The following RDH13 variants were observed in gnomAD, a reference collection of about 807,000 sequenced individuals.
The protein encoded by RDH13 is retinol dehydrogenase 13 (all-trans and 9-cis).
In RDH13, 35 loss-of-function variants were observed where a neutral mutation model predicts 28.3. The ratio of observed to expected loss-of-function variants is 1.24; its 90% CI spans 0.95 to 1.64. RDH13 has a LOEUF of 1.64. Among genes scored for constraint, RDH13 ranks in the 40% most tolerant of loss-of-function variants. The probability of loss-of-function intolerance (pLI) is 0.00; values close to 1 mark genes in which losing one functional copy is unlikely to be tolerated. For missense variants in RDH13, 514 were observed against 446.3 expected (o/e 1.15, Z -1.37); for synonymous variants, 229 against 198.5 (o/e 1.15, Z -1.29).
chr19:55,064,771 C>G (rs184700032), upstream of RDH13, among the ~76,000 whole-genome samples: 647 of 150,006 alleles, frequency 4.3e-3, 5 homozygotes, highest in Middle Eastern at 0.014. Context: ...TGTCACCACA[C>G]CCGGCTAATT....
At chr19:55,059,597 G>A (rs1418951337) in intron 1 of RDH13, among the ~76,000 whole-genome samples, 6 of 140,948 alleles carry the variant, frequency 4.3e-5, no homozygotes, top group East Asian at 2.1e-4. Flanking sequence ...GGGGGGGGGC[G>A]GGGGCGGATC....
downstream of RDH13, among the ~76,000 whole-genome samples, chr19:55,043,825 A>G (rs1485140317): frequency 6.6e-6 from 1 of 152,256 alleles, no homozygotes; most frequent in South Asian, 2.1e-4. Flanking sequence ...ATCTCTATCC[A>G]GTTTCTAACA....
chr19:55,044,994 G>C lies in RDH13; in HGVS notation c.*80C>G. 9.1e-7 allele frequency: 1 copy of C among 1,093,390 alleles called. No homozygotes were observed. Among genetic ancestry groups the C allele is most frequent in the Non-Finnish European group, 1.3e-6 (1 of 754,844 alleles). 67.7% of individuals were successfully genotyped at this position (1,093,390 alleles called of 1,614,324 possible). On this transcript the variant is annotated 3_prime_UTR_variant, in exon 7 of 7. Transcript: ENST00000415061. ...AGTCCTGGGTCTCCCGGCTCAGGTA[G>C]TGCCAGGAAGCTGCGGGCATGGCGG...
At position 55,056,675 on chromosome 19, in the gene RDH13, C is replaced by A; in HGVS notation, c.318G>T (p.Glu106Asp). The A allele has an allele frequency of 6.2e-7, 1 of 1,614,054 alleles. No homozygotes were observed. Among genetic ancestry groups the A allele is most frequent in the Non-Finnish European group, 8.5e-7 (1 of 1,180,004 alleles). The part of the protein sequence containing the change: ...LDLASLKSIR[E>D]FAAKIIEEEE... Reference sequence around the variant, plus strand: ...TACCTTCAATGATCTTTGCTGCAAACTCTCGGATAGACTTGAGGGAAGCCA... The same window carrying A: ...TACCTTCAATGATCTTTGCTGCAAAATCTCGGATAGACTTGAGGGAAGCCA... The change falls in exon 3 of 7, where the codon GAG (glutamate) becomes GAT (aspartate). Residue 106 changes from glutamate to aspartate, a missense_variant. Coordinates refer to ENST00000415061, the MANE Select transcript of RDH13 (RefSeq NM_001145971.2).
At chr19:55,067,365 G>A (rs1447655696), upstream of RDH13, 1 of 152,218 alleles carries the variant, frequency 6.6e-6, no homozygotes, top group African/African-American at 2.4e-5. Context: ...GGAAATGATG[G>A]GGATCACGGC....
chr19:55,048,426 C>G lies in RDH13; in HGVS notation c.561G>C (p.Leu187Phe). 1.2e-6 allele frequency: 2 copies of G among 1,614,176 alleles called. No individual in the cohort carries two copies. Among genetic ancestry groups the G allele is most frequent in the Non-Finnish European group, 1.7e-6 (2 of 1,180,050 alleles). Reference sequence around the variant, plus strand: ...TGTTATACTTCCTCGTCTGCCAGTTCAAGTCGTCAAAGTCTATGTGCCCAG... The same window carrying G: ...TGTTATACTTCCTCGTCTGCCAGTTGAAGTCGTCAAAGTCTATGTGCCCAG... The part of the protein sequence containing the change: ...HVAGHIDFDD[L>F]NWQTRKYNTK... Residue 187 changes from leucine to phenylalanine, a missense_variant, in exon 5 of 7, where the codon TTG (leucine) becomes TTC (phenylalanine). Physicochemically the swap from Leu to Phe is conservative, Grantham distance 22. Transcript: ENST00000415061.
At chr19:55,063,361 G>A, upstream of RDH13, 1 of 330,246 alleles carries the variant, frequency 3.0e-6, no homozygotes, top group Non-Finnish European at 5.5e-6. Context: ...CGTATAAGGC[G>A]CTACGCAGTT....
chr19:55,059,308 GGGC>G, intron 1 of RDH13, 33 bp from the exon 2 acceptor site: 1 of 1,436,486 alleles, frequency 7.0e-7, no homozygotes, highest in Non-Finnish European at 9.6e-7. Context: ...TCAGTCCTGT[GGGC>G]CCACTCTCAC....
downstream of RDH13, chr19:55,041,385 A>G (rs2075025889): frequency 6.6e-6 from 1 of 152,296 alleles, no homozygotes; most frequent in Non-Finnish European, 1.5e-5. Context: ...GTCGAAGCCA[A>G]GGACACTGCT....
intron 3 of RDH13, among the ~76,000 whole-genome samples, chr19:55,054,757 T>G (rs1602757199): frequency 6.6e-6 from 1 of 151,338 alleles, no homozygotes; most frequent in Non-Finnish European, 1.5e-5. Context: ...TTTTAATCTT[T>G]GGTACACACA....
chr19:55,059,586 T>TGGGGGGGGGG (rs202150997), intron 1 of RDH13, among the ~76,000 whole-genome samples: 2 of 79,222 alleles, frequency 2.5e-5, no homozygotes, highest in Non-Finnish European at 4.8e-5. Context: ...GTTTTGGGGG[T>TGGGGGGGGGG]GGGGGGGGGC....
rs929547744 is a variant in RDH13, at chr19:55,056,885, C to G, written c.185-77G>C. The G allele has an allele frequency of 3.1e-6, 4 of 1,280,916 alleles. No homozygotes were observed. In the African/African-American group the frequency reaches 6.0e-5, roughly 19 times the overall value. The allele number at this position is 1,280,916 out of a possible 1,614,324, so 79.3% of individuals were successfully genotyped here. A position where few individuals can be genotyped will look rare whatever the true frequency, so the allele number is the denominator to read the frequency against. ...CTGACCCCAGAGACATGAAAACATA[C>G]GTCTACACAAAAACACATCCACCAA... On this transcript the variant is annotated intron_variant, in intron 2 of 6. Coordinates refer to ENST00000415061, the MANE Select transcript of RDH13 (RefSeq NM_001145971.2).
In RDH13 at chr19:55,053,034, C is replaced by T. The variant is rs138743630; in HGVS notation, c.340+3619G>A. Among the ~76,000 whole-genome samples the T allele has an allele frequency of 2.5e-3, 386 of 152,234 alleles. 2 individuals carry two copies. The highest frequency in any genetic ancestry group is 0.014 in the Middle Eastern group (4 of 294). The stretch of plus-strand genomic sequence containing the variant: ...GGCTGATCTCAAACTCCCTGATAAA[C>T]AAGGCTGTGGGTACCTGCTTCCTGG... On this transcript the variant is annotated intron_variant, in intron 3 of 6. Coordinates refer to ENST00000415061, the MANE Select transcript of RDH13 (RefSeq NM_001145971.2).
At position 55,047,048 on chromosome 19, in the gene RDH13, AG is replaced by A. The variant is rs1198278546; in HGVS notation, c.760+338del. 21 of 964,228 alleles carry A rather than the reference AG, an allele frequency of 2.2e-5. No individual in the cohort carries two copies. In the South Asian group the frequency reaches 4.3e-4, roughly 20 times the overall value. 59.7% of individuals were successfully genotyped at this position (964,228 alleles called of 1,614,324 possible). A position where few individuals can be genotyped will look rare whatever the true frequency, so the allele number is the denominator to read the frequency against. Reference sequence around the variant, plus strand: ...TCTGCAGATGAAGAAACAGGCTCAGAGGGGTAACAGCTCTTCCCCAGGAGGT... The same window carrying A: ...TCTGCAGATGAAGAAACAGGCTCAGAGGGTAACAGCTCTTCCCCAGGAGGT... On this transcript the variant is annotated intron_variant, in intron 6 of 6. Coordinates refer to ENST00000415061, the MANE Select transcript of RDH13 (RefSeq NM_001145971.2).
At chr19:55,065,248 G>T (rs1237932546), upstream of RDH13, among the ~76,000 whole-genome samples, 1 of 151,396 alleles carries the variant, frequency 6.6e-6, no homozygotes, top group African/African-American at 2.4e-5. Flanking sequence ...AGCAGGTTTG[G>T]TGGCACGCAT....
upstream of RDH13, chr19:55,063,184 G>A (rs1331844888): frequency 5.1e-6 from 3 of 592,746 alleles, no homozygotes; most frequent in Non-Finnish European, 7.7e-6. Flanking sequence ...ACTGGGCTGC[G>A]AGGGGCGGGG....
intron 1 of RDH13, among the ~76,000 whole-genome samples, chr19:55,062,694 CAAAT>C (rs1190662732): frequency 6.6e-6 from 1 of 152,162 alleles, no homozygotes; most frequent in Non-Finnish European, 1.5e-5. Flanking sequence ...AATAAACGAA[CAAAT>C]AAATAATACA....
At chr19:55,055,963 A>C (rs1353319749) in intron 3 of RDH13, among the ~76,000 whole-genome samples, 2 of 149,954 alleles carry the variant, frequency 1.3e-5, no homozygotes, top group Non-Finnish European at 3.0e-5. Flanking sequence ...GACCAGCCTG[A>C]CCAACATGGT....
At chr19:55,053,384 G>C (rs1452609612) in intron 3 of RDH13, among the ~76,000 whole-genome samples, 1 of 152,112 alleles carries the variant, frequency 6.6e-6, no homozygotes, top group Non-Finnish European at 1.5e-5. Flanking sequence ...GGCTGGGCGT[G>C]GTGGCTCATG....
Sources: allele counts gnomAD v4.1 joint callset (sites outside exome capture counted in the v4.1 genomes callset), GRCh38; gene constraint gnomAD v4.1.1; transcripts MANE v1.5; gene names NCBI Gene and HGNC (gene_info 2026-07-23, HGNC 2026-07-21).